Variants in PLCZ1 observed in about 807,000 individuals in gnomAD.
PLCZ1 encodes the protein 1-phosphatidylinositol 4,5-bisphosphate phosphodiesterase zeta-1.
PLCZ1 carries 64 observed loss-of-function variants against 76.8 expected under a neutral mutation model. That is an observed-to-expected ratio of 0.83 (90% CI 0.68 to 1.03). The LOEUF (loss-of-function observed/expected upper bound fraction) is 1.03, where lower values mean the gene tolerates loss of function less well. Ranked by LOEUF, PLCZ1 falls within the 50% of genes least tolerant of loss-of-function variation. The pLI is 0.00. For missense variants in PLCZ1, 751 were observed against 713.7 expected (o/e 1.05, Z -0.60); for synonymous variants, 248 against 230.8 (o/e 1.07, Z -0.68).
intron 10 of PLCZ1, among the ~76,000 whole-genome samples, chr12:18,697,684 T>G (rs1168522880): frequency 6.6e-6 from 1 of 152,172 alleles, no homozygotes; most frequent in Non-Finnish European, 1.5e-5. Flanking sequence ...CCCATTCTTT[T>G]GTATGTGTAT....
chr12:18,702,818 C>CTT (rs71064022), intron 7 of PLCZ1, among the ~76,000 whole-genome samples: 2,947 of 116,530 alleles, frequency 0.025, 188 homozygotes, highest in African/African-American at 0.067. Context: ...GATAAAGTAA[C>CTT]TTTTTTTTTT....
chr12:18,724,507 T>C (rs762887552), intron 3 of PLCZ1, among the ~76,000 whole-genome samples: 2 of 152,134 alleles, frequency 1.3e-5, no homozygotes, highest in African/African-American at 2.4e-5. Flanking sequence ...TGTAAACAGC[T>C]TGAATGCAAG....
chr12:18,705,253 T>C lies in PLCZ1; in HGVS notation c.777A>G (p.Val259=), dbSNP rs781726163. The C allele has an allele frequency of 6.2e-7, 1 of 1,614,040 alleles. No homozygotes were observed. Among genetic ancestry groups the C allele is most frequent in the South Asian group, 1.1e-5 (1 of 91,082 alleles). The change falls in exon 7 of 15, where the codon GTA becomes GTG. Residue 259 remains valine, a synonymous_variant. Coordinates refer to ENST00000266505, the MANE Select transcript of PLCZ1 (RefSeq NM_033123.4). ...ENHCSTAQQE[V]MADNLQATFG... is the part of the protein sequence containing the mutation. ...AAGTAGCCTGCAAATTGTCTGCCAT[T>C]ACTTCTTGTTGGGCAGTGGAGCAGT...
At chr12:18,713,712 T>C (rs921724013) in intron 5 of PLCZ1, 1 of 152,154 alleles carries the variant, frequency 6.6e-6, no homozygotes, top group African/African-American at 2.4e-5. Flanking sequence ...ATAATTTCAC[T>C]AGGAGAAACG....
At chr12:18,662,443 C>A in the PLCZ1 span, among the ~76,000 whole-genome samples, 2 of 151,248 alleles carry the variant, frequency 1.3e-5, no homozygotes, top group Admixed American at 6.6e-5. Flanking sequence ...CTAGATCTAC[C>A]CTGCAGGGAA....
At chr12:18,717,449 A>C (rs1958115802) in intron 5 of PLCZ1, among the ~76,000 whole-genome samples, 1 of 152,156 alleles carries the variant, frequency 6.6e-6, no homozygotes, top group African/African-American at 2.4e-5. Flanking sequence ...TGATGGTTTT[A>C]CCTTAAGTAA....
rs564040264 is a variant in PLCZ1, at chr12:18,694,168, G to A, written c.1461+742C>T. ...GTCCCTGAAAGGGATGAGGCTGGGG[G>A]AGTTGCCCAGAGGAATCTCTGTTCC... On this transcript the variant is annotated intron_variant, in intron 12 of 14. Coordinates refer to ENST00000266505, the MANE Select transcript of PLCZ1 (RefSeq NM_033123.4). 4.2e-3 allele frequency: 2,900 copies of A among 683,738 alleles called. 52 individuals are homozygous for A. The highest frequency in any genetic ancestry group is 0.025 in the South Asian group (1,319 of 52,310). 42.4% of individuals were successfully genotyped at this position (683,738 alleles called of 1,614,324 possible).
Position 18,683,332 on chromosome 12 carries a change from A to T in PLCZ1, c.1742-8T>A. ...GAGGAATACGACGATAACCTGCAAA[A>T]GGAATTATATCTAATTAGACCAATA... On this transcript the variant is annotated splice_polypyrimidine_tract_variant and splice_region_variant and intron_variant, in intron 14 of 14. Coordinates refer to ENST00000266505, the MANE Select transcript of PLCZ1 (RefSeq NM_033123.4). 6.2e-7 allele frequency: 1 copy of T among 1,611,698 alleles called. No individual in the cohort carries two copies. The highest frequency in any genetic ancestry group is 8.5e-7 in the Non-Finnish European group (1 of 1,178,298).
chr12:18,671,996 C>T, the PLCZ1 span, among the ~76,000 whole-genome samples: 1 of 152,112 alleles, frequency 6.6e-6, no homozygotes, highest in African/African-American at 2.4e-5. Context: ...TACATGAGGG[C>T]TACATCATGA....
At chr12:18,711,669 A>G (rs1197009281) in intron 6 of PLCZ1, among the ~76,000 whole-genome samples, 2 of 151,930 alleles carry the variant, frequency 1.3e-5, no homozygotes, top group Non-Finnish European at 2.9e-5. Context: ...GAAAGTTGTC[A>G]TTGATGAGAT....
At chr12:18,687,564 A>T (rs1435447421) in intron 13 of PLCZ1, among the ~76,000 whole-genome samples, 1 of 152,146 alleles carries the variant, frequency 6.6e-6, no homozygotes, top group Non-Finnish European at 1.5e-5. Flanking sequence ...ATCTTACCAA[A>T]GTTATTTCCC....
chr12:18,700,072 C>T, intron 9 of PLCZ1, 122 bp from the exon 10 acceptor site: 1 of 806,546 alleles, frequency 1.2e-6, no homozygotes, highest in Non-Finnish European at 2.0e-6. Flanking sequence ...ATTATCTCCT[C>T]AAACACCATT....
rs1374499146 is a variant in PLCZ1 at position 18,722,300 on chromosome 12, A to G, written c.367+1011T>C. Among the ~76,000 whole-genome samples the G allele has an allele frequency of 1.3e-5, 2 of 152,012 alleles. 1 individual carries two copies. The highest frequency in any genetic ancestry group is 2.9e-5 in the Non-Finnish European group (2 of 67,976). ...CATTATTTACTGTCAACTTTCCTCC[A>G]ACCCATCAGGAATTCAAGACCTAAT... On this transcript the variant is annotated intron_variant, in intron 4 of 14. Transcript: ENST00000266505.
chr12:18,662,635 C>T, the PLCZ1 span, among the ~76,000 whole-genome samples: 1 of 152,076 alleles, frequency 6.6e-6, no homozygotes, highest in Admixed American at 6.6e-5. Context: ...GATATTAATG[C>T]ATTAAAAGTA....
In PLCZ1 at chr12:18,710,675, G is replaced by A. The variant is rs568634267; in HGVS notation, c.714+2167C>T. On this transcript the variant is annotated intron_variant, in intron 6 of 14. Coordinates refer to ENST00000266505, the MANE Select transcript of PLCZ1 (RefSeq NM_033123.4). ...ATGAGAGGTGATGTTGGTTGACTAC[G>A]ACAGTGACAGTAAAAATGGGCAGAG... Among the ~76,000 whole-genome samples, 5 of 152,162 alleles carry A rather than the reference G, an allele frequency of 3.3e-5. No individual in the cohort carries two copies. The South Asian group carries it at 8.3e-4, about 25-fold the overall frequency.
chr12:18,658,169 A>C, the PLCZ1 span, among the ~76,000 whole-genome samples: 1 of 152,178 alleles, frequency 6.6e-6, no homozygotes, highest in African/African-American at 2.4e-5. Flanking sequence ...GGAATAAAGA[A>C]AAATCAACAG....
intron 3 of PLCZ1, among the ~76,000 whole-genome samples, chr12:18,731,533 CTTTTTTT>C (rs34568267): frequency 2.1e-5 from 2 of 94,350 alleles, no homozygotes; most frequent in African/African-American, 8.1e-5. Context: ...AATAAGCTGT[CTTTTTTT>C]TTTTTTTTTT....
intron 5 of PLCZ1, 70 bp downstream of exon 5, chr12:18,719,361 A>G: frequency 1.1e-6 from 1 of 873,738 alleles, no homozygotes; most frequent in Non-Finnish European, 1.6e-6. Flanking sequence ...ACTCTTGCCT[A>G]CTGAGGTAGA....
chr12:18,707,363 A>C (rs1264897543), intron 6 of PLCZ1, among the ~76,000 whole-genome samples: 4 of 152,154 alleles, frequency 2.6e-5, no homozygotes, highest in Non-Finnish European at 5.9e-5. Flanking sequence ...GACTGGGCAA[A>C]GTGATGGCCT....
Sources: gnomAD v4.1 joint callset for allele counts (sites outside exome capture counted in the v4.1 genomes callset) on GRCh38, gnomAD v4.1.1 for gene constraint, MANE v1.5 for transcripts, NCBI Gene and HGNC (gene_info 2026-07-23, HGNC 2026-07-21) for gene names.